Variants in ABCC8 observed in about 807,000 individuals in gnomAD.
ABCC8 encodes the protein ATP binding cassette subfamily C member 8, also known as ATP-binding cassette sub-family C member 8.
In ABCC8, 137 loss-of-function variants were observed where a neutral mutation model predicts 188.0. That is an observed-to-expected ratio of 0.73 (90% CI 0.63 to 0.84). The LOEUF is 0.84. Among genes scored for constraint, ABCC8 ranks in the 40% least tolerant of loss-of-function variants. The pLI is 0.00. For missense variants in ABCC8, 1,750 were observed against 2,072.7 expected (o/e 0.84, Z 3.02); for synonymous variants, 797 against 846.5 (o/e 0.94, Z 1.01).
At chr11:17,397,361 G>A (rs1209224715) in intron 31 of ABCC8, 48 bp from the exon 32 acceptor site, 3 of 1,602,652 alleles carry the variant, frequency 1.9e-6, no homozygotes, top group Non-Finnish European at 2.5e-6. Context: ...GCTTAGTTCT[G>A]TCCTCAGCCA....
At chr11:17,425,917 T>C (rs1205913232) in intron 16 of ABCC8, among the ~76,000 whole-genome samples, 2 of 151,646 alleles carry the variant, frequency 1.3e-5, no homozygotes, top group African/African-American at 2.4e-5. Flanking sequence ...CTCCCACTTA[T>C]GAGTGAGAAC....
intron 10 of ABCC8, among the ~76,000 whole-genome samples, chr11:17,438,312 C>T (rs1487371093): frequency 1.3e-5 from 2 of 152,084 alleles, no homozygotes; most frequent in Non-Finnish European, 2.9e-5. Context: ...AACGAAAGAC[C>T]CAGAGTCAGG....
chr11:17,437,378 C>T (rs1198864124), intron 10 of ABCC8, among the ~76,000 whole-genome samples: 1 of 152,212 alleles, frequency 6.6e-6, no homozygotes, highest in Non-Finnish European at 1.5e-5. Flanking sequence ...CTTTTCATTT[C>T]CAAAGCATTG....
At chr11:17,399,123 G>A (rs1300951074) in intron 29 of ABCC8, 1 of 153,648 alleles carries the variant, frequency 6.5e-6, no homozygotes, top group African/African-American at 2.4e-5. Flanking sequence ...ACAAAAATTA[G>A]TAGCTGGGCA....
intron 5 of ABCC8, 42 bp downstream of exon 5, chr11:17,461,541 C>T (rs771569786): frequency 1.2e-6 from 2 of 1,613,334 alleles, no homozygotes; most frequent in South Asian, 2.2e-5. Context: ...GACCCTAAAC[C>T]AGAAGGCAGT....
chr11:17,444,416 G>A (rs1361389108), intron 8 of ABCC8: 1 of 152,188 alleles, frequency 6.6e-6, no homozygotes, highest in Admixed American at 6.5e-5. Context: ...CAACAAGAAG[G>A]CTCCCATGGC....
At position 17,475,023 on chromosome 11, in the gene ABCC8, C is replaced by T. The variant is rs1219426400; in HGVS notation, c.153G>A (p.Trp51Ter). The change falls in exon 2 of 39, where the codon TGG (tryptophan) becomes TGA (stop). Residue 51 changes from tryptophan (W) to a stop codon, truncating the protein, a stop_gained. Transcript: ENST00000389817. LOFTEE classifies it high-confidence loss of function. ...TGTGCACCTTGGAGCTCTGACTTCC[C>T]CATCCTGCAGGGAGAGACAGTCAGA... ...FITFPILFIG[W>*]GSQSSKVHIH... 1 of 1,614,118 alleles carries T rather than the reference C, an allele frequency of 6.2e-7. No individual in the cohort carries two copies. The highest frequency in any genetic ancestry group is 1.7e-5 in the Admixed American group (1 of 60,024).
intron 16 of ABCC8, among the ~76,000 whole-genome samples, chr11:17,423,796 C>A (rs184934188): frequency 6.6e-6 from 1 of 152,196 alleles, no homozygotes; most frequent in Non-Finnish European, 1.5e-5. Context: ...GGCCTTTGGA[C>A]TGTCAGGCTA....
intron 26 of ABCC8, among the ~76,000 whole-genome samples, chr11:17,406,238 C>T (rs1954513087): frequency 6.6e-6 from 1 of 152,196 alleles, no homozygotes; most frequent in Non-Finnish European, 1.5e-5. Context: ...CCTGTTCCCC[C>T]AGTGTCAAAA....
chr11:17,453,401 C>T, intron 6 of ABCC8, 118 bp from the exon 7 acceptor site: 7 of 1,399,036 alleles, frequency 5.0e-6, no homozygotes, highest in Non-Finnish European at 5.9e-6. Flanking sequence ...TCTGGGCTTG[C>T]AAAGGCTTGT....
intron 2 of ABCC8, among the ~76,000 whole-genome samples, chr11:17,472,960 C>A (rs1400411098): frequency 1.3e-5 from 2 of 152,226 alleles, no homozygotes; most frequent in Non-Finnish European, 2.9e-5. Flanking sequence ...ACAGCCAACA[C>A]CCTGCCCAGG....
At chr11:17,403,468 T>C (rs1484632318) in intron 28 of ABCC8, among the ~76,000 whole-genome samples, 1 of 152,118 alleles carries the variant, frequency 6.6e-6, no homozygotes, top group Admixed American at 6.5e-5. Context: ...ATTTTTTGAG[T>C]GTCAAAAAGC....
chr11:17,467,146 C>T lies in ABCC8; in HGVS notation c.412+2955G>A, dbSNP rs4756889. The stretch of plus-strand genomic sequence containing the variant: ...TGTGGTATGACCTTCCAGGTGGGTG[C>T]GGTGGCTCACGGCTGTAATCCCAAC... On this transcript the variant is annotated intron_variant, in intron 3 of 38. Transcript: ENST00000389817. Among the ~76,000 whole-genome samples the T allele has an allele frequency of 8.2e-3, 1,226 of 150,244 alleles. 8 individuals carry two copies. The highest frequency in any genetic ancestry group is 0.017 in the Admixed American group (253 of 15,028).
At chr11:17,426,302 A>C (rs1334300091) in intron 16 of ABCC8, among the ~76,000 whole-genome samples, 1 of 152,212 alleles carries the variant, frequency 6.6e-6, no homozygotes, top group Non-Finnish European at 1.5e-5. Flanking sequence ...ACTCCCACCA[A>C]CAGTGTAAAA....
At chr11:17,408,655 A>T in intron 22 of ABCC8, 138 bp from the exon 23 acceptor site, 3 of 1,391,438 alleles carry the variant, frequency 2.2e-6, no homozygotes, top group Non-Finnish European at 1.9e-6. Flanking sequence ...ATCCACTGCA[A>T]GTGGGCTGGT....
intron 29 of ABCC8, among the ~76,000 whole-genome samples, chr11:17,399,641 C>T (rs1954133528): frequency 6.6e-6 from 1 of 152,230 alleles, no homozygotes; most frequent in South Asian, 2.1e-4. Flanking sequence ...GTTTGCTCCA[C>T]AGTATCTGCT....
rs778384865 is a variant in ABCC8 at position 17,408,409 on chromosome 11, C to T, written c.2803G>A (p.Asp935Asn). ...EHWKTLMNRQ[D>N]QELEKETVTE... ...ATACCCACCTTCTCCAGCTCTTGGTCCTGTCGGTTCATGAGGGTCTTCCAG... is the reference window on the plus strand; with the variant it reads ...ATACCCACCTTCTCCAGCTCTTGGTTCTGTCGGTTCATGAGGGTCTTCCAG... Residue 935 changes from aspartate (D) to asparagine (N), a missense_variant, in exon 23 of 39, where the codon GAC (aspartate) becomes AAC (asparagine). Transcript: ENST00000389817. 4.3e-6 allele frequency: 7 copies of T among 1,613,580 alleles called. No homozygotes were observed. The highest frequency in any genetic ancestry group is 5.1e-6 in the Non-Finnish European group (6 of 1,180,020).
chr11:17,428,624 C>T lies in ABCC8; in HGVS notation c.1864G>A (p.Glu622Lys), dbSNP rs1316332365. 1.2e-6 allele frequency: 2 copies of T among 1,613,988 alleles called. No individual in the cohort carries two copies. The highest frequency in any genetic ancestry group is 1.7e-6 in the Non-Finnish European group (2 of 1,180,028). The change falls in exon 13 of 39, where the codon GAG (glutamate) becomes AAG (lysine). Residue 622 changes from glutamate to lysine, a missense_variant. Coordinates refer to ENST00000389817, the MANE Select transcript of ABCC8 (RefSeq NM_000352.6). The stretch of plus-strand genomic sequence containing the variant: ...GTGGGCTCATGGGGGGCACACTGCT[C>T]CTCACGGATCTCTGCACTGGACAGG... The part of the protein sequence containing the change: ...EFLSSAEIRE[E>K]QCAPHEPTPQ...
At position 17,423,129 on chromosome 11, in the gene ABCC8, C is replaced by A. The variant is rs545848368; in HGVS notation, c.2222+3920G>T. On this transcript the variant is annotated intron_variant, in intron 16 of 38. Coordinates refer to ENST00000389817, the MANE Select transcript of ABCC8 (RefSeq NM_000352.6). ...ATCCCAGCACTTTGGGAGGCTGAGG[C>A]GGGCGGATCATGAGGTCAGGAGTTC... 3.3e-5 allele frequency among the ~76,000 whole-genome samples: 5 copies of A among 151,770 alleles called. No homozygotes were observed. The East Asian group carries it at 7.7e-4, about 23-fold the overall frequency.
Sources: gnomAD v4.1 joint callset for allele counts (sites outside exome capture counted in the v4.1 genomes callset) on GRCh38, gnomAD v4.1.1 for gene constraint, MANE v1.5 for transcripts, NCBI Gene and HGNC (gene_info 2026-07-23, HGNC 2026-07-21) for gene names.